The following SLC9A3 variants were observed in gnomAD, a reference collection of about 807,000 sequenced individuals.
SLC9A3 encodes sodium/hydrogen exchanger 3.
Under a neutral mutation model 86.8 loss-of-function variants are expected in SLC9A3, and 37 were observed. The ratio of observed to expected loss-of-function variants is 0.43; its 90% CI spans 0.33 to 0.56. The LOEUF (loss-of-function observed/expected upper bound fraction) is 0.56. SLC9A3 is among the 20% of genes least tolerant of loss of function. The pLI, the probability that SLC9A3 is intolerant of heterozygous loss-of-function variation, is 0.06. For missense variants in SLC9A3, 1,011 were observed against 1,171.9 expected (o/e 0.86, Z 2.00); for synonymous variants, 581 against 528.3 (o/e 1.10, Z -1.37).
Position 472,925 on chromosome 5 carries a change from C to A in SLC9A3, c.*454G>T. 1.8e-6 allele frequency: 1 copy of A among 543,608 alleles called. No individual in the cohort carries two copies. The highest frequency in any genetic ancestry group is 3.3e-6 in the Non-Finnish European group (1 of 302,702). 33.7% of individuals were successfully genotyped at this position (543,608 alleles called of 1,614,324 possible). ...CGGCAGCGGTGGGAAAGGGCGCGAG[C>A]GGCCAGCCATGGCGCGCGGACCCTT... On this transcript the variant is annotated 3_prime_UTR_variant, in exon 17 of 17. Transcript: ENST00000264938.
chr5:474,862 C>T lies in SLC9A3; in HGVS notation c.2501+21G>A, dbSNP rs182755932. On this transcript the variant is annotated intron_variant, in intron 16 of 16. Transcript: ENST00000264938. ...GGAGCTGCGGAGAGGGGTTAGGCGG[C>T]GGGAGGCCCGGGAGCGTTACATGTG... 3.9e-6 allele frequency: 6 copies of T among 1,543,134 alleles called. No individual in the cohort carries two copies. Among genetic ancestry groups the T allele is most frequent in the Non-Finnish European group, 5.3e-6 (6 of 1,138,964 alleles).
chr5:473,177 C>CGCAGGCCCCGCCCCCGGA lies in SLC9A3; in HGVS notation c.*201_*202insTCCGGGGGCGGGGCCTGC. On this transcript the variant is annotated 3_prime_UTR_variant, in exon 17 of 17. Coordinates refer to ENST00000264938, the MANE Select transcript of SLC9A3 (RefSeq NM_004174.4). ...CCCCCGGCGCAGGCCCCGCCCCCGG[C>CGCAGGCCCCGCCCCCGGA]TCGCCCTCGGGCGGCTCTGCGGGCG... 1 of 486,222 alleles carries CGCAGGCCCCGCCCCCGGA rather than the reference C, an allele frequency of 2.1e-6. No homozygotes were observed. Among genetic ancestry groups the CGCAGGCCCCGCCCCCGGA allele is most frequent in the Non-Finnish European group, 3.1e-6 (1 of 319,356 alleles). The allele number at this position is 486,222 out of a possible 1,614,324, so 30.1% of individuals were successfully genotyped here. A position where few individuals can be genotyped will look rare whatever the true frequency, so the allele number is the denominator to read the frequency against.
intron 1 of SLC9A3, among the ~76,000 whole-genome samples, chr5:522,885 G>A (rs1414868987): frequency 6.6e-6 from 1 of 152,206 alleles, no homozygotes; most frequent in Non-Finnish European, 1.5e-5. Flanking sequence ...TGCCCCAGGG[G>A]CCCTTCTCAA....
rs1738460569 is a variant in SLC9A3, at chr5:472,961, G to A, written c.*418C>T. The A allele has an allele frequency of 1.9e-6, 1 of 526,304 alleles. No homozygotes were observed. The highest frequency in any genetic ancestry group is 2.1e-5 in the African/African-American group (1 of 48,432). The allele number at this position is 526,304 out of a possible 1,614,324, so 32.6% of individuals were successfully genotyped here. A position where few individuals can be genotyped will look rare whatever the true frequency, so the allele number is the denominator to read the frequency against. On this transcript the variant is annotated 3_prime_UTR_variant, in exon 17 of 17. Coordinates refer to ENST00000264938, the MANE Select transcript of SLC9A3 (RefSeq NM_004174.4). ...GGCGCGCGGACCCTTCCCGCCGGCGGCGTCACAGCGGCGTCTCCTCCTGCT... is the reference window on the plus strand; with the variant it reads ...GGCGCGCGGACCCTTCCCGCCGGCGACGTCACAGCGGCGTCTCCTCCTGCT...
chr5:473,507 G>C (rs1009940600), intron 16 of SLC9A3, 125 bp from the exon 17 acceptor site: 17 of 814,358 alleles, frequency 2.1e-5, no homozygotes, highest in Non-Finnish European at 2.8e-5. Flanking sequence ...GCGCACCCCA[G>C]GCTCGGCGTC....
At chr5:500,367 T>C (rs1740206077) in intron 1 of SLC9A3, among the ~76,000 whole-genome samples, 1 of 152,040 alleles carries the variant, frequency 6.6e-6, no homozygotes. Flanking sequence ...GCGACTGGCG[T>C]GGATCCCTGG....
intron 2 of SLC9A3, among the ~76,000 whole-genome samples, chr5:489,921 CA>C (rs746705234): frequency 6.6e-5 from 10 of 152,256 alleles, no homozygotes; most frequent in Non-Finnish European, 1.3e-4. Flanking sequence ...TTTGCCTGTG[CA>C]AGGGCCTCTG....
rs1738627003 is a variant in SLC9A3 at position 475,040 on chromosome 5, C to T, written c.2344G>A (p.Val782Ile). ...TGCGTGCGGGCCCTCTGCGAGGGGA[C>T]CACCGTCTCCCCGGGAGACAGCCAG... ...PPWLSPGETV[V>I]PSQRARTQIP... The change falls in exon 16 of 17, where the codon GTC (valine) becomes ATC (isoleucine). Residue 782 changes from valine (V) to isoleucine (I), a missense_variant. Transcript: ENST00000264938. 2 of 1,612,272 alleles carry T rather than the reference C, an allele frequency of 1.2e-6. No individual in the cohort carries two copies. The highest frequency in any genetic ancestry group is 1.3e-5 in the African/African-American group (1 of 74,980).
At chr5:479,767 C>T in intron 10 of SLC9A3, 69 bp downstream of exon 10, 1 of 1,572,318 alleles carries the variant, frequency 6.4e-7, no homozygotes, top group Non-Finnish European at 8.7e-7. Flanking sequence ...CCTCACTGCC[C>T]CATGGCACCC....
chr5:517,672 A>G (rs1057262780), intron 1 of SLC9A3, among the ~76,000 whole-genome samples: 1 of 148,826 alleles, frequency 6.7e-6, no homozygotes, highest in African/African-American at 2.5e-5. Context: ...TCATCCATCT[A>G]TCCATCCATC....
intron 1 of SLC9A3, among the ~76,000 whole-genome samples, chr5:523,585 C>A (rs1215238237): frequency 6.7e-6 from 1 of 149,316 alleles, no homozygotes; most frequent in Non-Finnish European, 1.5e-5. Context: ...GAAGAGAAAT[C>A]TGACCGACCG....
chr5:486,574 C>A (rs1424328276), intron 3 of SLC9A3, among the ~76,000 whole-genome samples: 1 of 152,180 alleles, frequency 6.6e-6, no homozygotes, highest in Non-Finnish European at 1.5e-5. Flanking sequence ...CCGGGCTCTG[C>A]CGTTAGCACC....
rs1739044611 is a variant in SLC9A3, at chr5:479,823, G to A, written c.1647+13C>T. The stretch of plus-strand genomic sequence containing the variant: ...CTGCAGCCCCGACCCGGCAGAGCAA[G>A]CGGCTCTGCTACCTCAGCCACGTAG... On this transcript the variant is annotated intron_variant, in intron 10 of 16. Transcript: ENST00000264938. 4 of 1,612,484 alleles carry A rather than the reference G, an allele frequency of 2.5e-6. No homozygotes were observed. The highest frequency in any genetic ancestry group is 3.3e-4 in the Middle Eastern group (2 of 6,064).
rs1431543847 is a variant in SLC9A3, at chr5:484,921, T to C, written c.755-224A>G. On this transcript the variant is annotated intron_variant, in intron 4 of 16. Coordinates refer to ENST00000264938, the MANE Select transcript of SLC9A3 (RefSeq NM_004174.4). Reference sequence around the variant, plus strand: ...GCCCCAGGCCCTATCCGGCCGTCTGTCTCAGGAAGACCTGGCTGCCCTCAT... The same window carrying C: ...GCCCCAGGCCCTATCCGGCCGTCTGCCTCAGGAAGACCTGGCTGCCCTCAT... Among the ~76,000 whole-genome samples the C allele has an allele frequency of 4.6e-5, 7 of 152,322 alleles. No individual in the cohort carries two copies. The East Asian group carries it at 1.4e-3, about 29-fold the overall frequency.
In SLC9A3 at chr5:488,492, G is replaced by A. The variant is rs1739571802; in HGVS notation, c.515-16C>T. The A allele has an allele frequency of 6.5e-7, 1 of 1,531,010 alleles. No individual in the cohort carries two copies. The highest frequency in any genetic ancestry group is 2.4e-5 in the East Asian group (1 of 41,494). 94.8% of individuals were successfully genotyped at this position (1,531,010 alleles called of 1,614,324 possible). On this transcript the variant is annotated splice_polypyrimidine_tract_variant and intron_variant, in intron 2 of 16. Coordinates refer to ENST00000264938, the MANE Select transcript of SLC9A3 (RefSeq NM_004174.4). ...TGCAGGTCGCCTGGAAGACAAGCCG[G>A]GCCGCGGGGCAGCTGCAGGGCCTGC...
At chr5:484,915 C>T (rs1471280302) in intron 4 of SLC9A3, among the ~76,000 whole-genome samples, 4 of 152,324 alleles carry the variant, frequency 2.6e-5, no homozygotes, top group South Asian at 2.1e-4. Context: ...CCTATCCGGC[C>T]GTCTGTCTCA....
chr5:470,958 C>T lies in SLC9A3; in HGVS notation c.*2421G>A, dbSNP rs560844097. On this transcript the variant is annotated 3_prime_UTR_variant, in exon 17 of 17. Transcript: ENST00000264938. ...TTCTGTTTGACAGCAGTGACAGGAA[C>T]GTGGGGATCCCCACTCATGACGAGT... The T allele has an allele frequency of 1.3e-5, 2 of 152,484 alleles. No homozygotes were observed. The highest frequency in any genetic ancestry group is 2.4e-5 in the African/African-American group (1 of 41,584). 9.4% of individuals were successfully genotyped at this position (152,484 alleles called of 1,614,324 possible).
At chr5:523,628 C>T (rs959764676) in intron 1 of SLC9A3, among the ~76,000 whole-genome samples, 7 of 151,048 alleles carry the variant, frequency 4.6e-5, no homozygotes, top group African/African-American at 1.7e-4. Context: ...AAAAAGGAGG[C>T]CCGCCAATGG....
At chr5:522,932 TC>T (rs571343881) in intron 1 of SLC9A3, among the ~76,000 whole-genome samples, 75 of 149,948 alleles carry the variant, frequency 5.0e-4, no homozygotes, top group Non-Finnish European at 7.6e-4. Context: ...CCTCAGAGAC[TC>T]CCCCCCGGCC....
Sources: allele counts gnomAD v4.1 joint callset (sites outside exome capture counted in the v4.1 genomes callset), GRCh38; gene constraint gnomAD v4.1.1; transcripts MANE v1.5; gene names NCBI Gene and HGNC (gene_info 2026-07-23, HGNC 2026-07-21).